The following GPM6A variants were observed in gnomAD, a reference collection of about 807,000 sequenced individuals.
The protein encoded by GPM6A is glycoprotein M6A.
Under a neutral mutation model 32.1 loss-of-function variants are expected in GPM6A, and 7 were observed. That is an observed-to-expected ratio of 0.22 (90% confidence interval 0.12 to 0.41). GPM6A has a LOEUF of 0.41. GPM6A is among the 10% of genes least tolerant of loss of function. The pLI is 1.00. For missense variants in GPM6A, 235 were observed against 347.2 expected (o/e 0.68, Z 2.57); for synonymous variants, 130 against 123.4 (o/e 1.05, Z -0.35).
intron 1 of GPM6A, among the ~76,000 whole-genome samples, chr4:175,768,567 T>C (rs985738832): frequency 2.6e-5 from 4 of 151,864 alleles, no homozygotes; most frequent in African/African-American, 9.7e-5. Context: ...TCAAGCAAGA[T>C]GAGGAGAAAT....
intron 1 of GPM6A, among the ~76,000 whole-genome samples, chr4:175,726,108 T>A (rs1288308252): frequency 1.3e-5 from 2 of 149,822 alleles, no homozygotes; most frequent in Admixed American, 6.7e-5. Context: ...TTCTCCTGCC[T>A]CAGCCTCCCA....
chr4:175,854,641 G>C (rs374997247), intron 1 of GPM6A, among the ~76,000 whole-genome samples: 1 of 152,282 alleles, frequency 6.6e-6, no homozygotes, highest in East Asian at 1.9e-4. Flanking sequence ...CCAGGCAGTG[G>C]TGCAAAAAAG....
intron 1 of GPM6A, among the ~76,000 whole-genome samples, chr4:175,901,950 A>G (rs975504231): frequency 6.6e-6 from 1 of 152,110 alleles, no homozygotes; most frequent in African/African-American, 2.4e-5. Context: ...AAAAAGTTAA[A>G]TTAAAGGGTA....
chr4:175,721,331 C>G (rs2111116315), intron 1 of GPM6A, among the ~76,000 whole-genome samples: 1 of 151,500 alleles, frequency 6.6e-6, no homozygotes, highest in South Asian at 2.1e-4. Flanking sequence ...CAAAAATTAG[C>G]CGAGTGTGGT....
At chr4:175,752,640 C>T in intron 1 of GPM6A, among the ~76,000 whole-genome samples, 1 of 152,086 alleles carries the variant, frequency 6.6e-6, no homozygotes, top group East Asian at 1.9e-4. Context: ...TAAGAATATC[C>T]ACTTTTGACA....
At chr4:175,755,890 A>C in intron 1 of GPM6A, among the ~76,000 whole-genome samples, 1 of 152,186 alleles carries the variant, frequency 6.6e-6, no homozygotes, top group East Asian at 1.9e-4. Flanking sequence ...TGGAAAGAGT[A>C]AGTCATAGTC....
chr4:175,652,386 G>A (rs1438097813), intron 3 of GPM6A, among the ~76,000 whole-genome samples: 1 of 151,908 alleles, frequency 6.6e-6, no homozygotes, highest in African/African-American at 2.4e-5. Context: ...AATTTCCATA[G>A]GACTAAACTG....
At chr4:175,896,236 C>A (rs764543497) in intron 1 of GPM6A, among the ~76,000 whole-genome samples, 1 of 152,048 alleles carries the variant, frequency 6.6e-6, no homozygotes, top group Non-Finnish European at 1.5e-5. Flanking sequence ...ATGGTAAGAT[C>A]CCACATCGTT....
chr4:175,757,197 C>T (rs992587102), intron 1 of GPM6A, among the ~76,000 whole-genome samples: 6 of 151,860 alleles, frequency 4.0e-5, no homozygotes, highest in East Asian at 1.9e-4. Flanking sequence ...GAAGTCAGAG[C>T]GAAGCTATGA....
chr4:175,787,623 A>T (rs1733852802), intron 1 of GPM6A: 4 of 1,310,956 alleles, frequency 3.1e-6, no homozygotes, highest in African/African-American at 1.5e-5. Context: ...CAACCCATGT[A>T]TCTAATTGCT....
chr4:175,880,547 T>C (rs1737238497), intron 1 of GPM6A, among the ~76,000 whole-genome samples: 1 of 152,188 alleles, frequency 6.6e-6, no homozygotes, highest in Non-Finnish European at 1.5e-5. Flanking sequence ...TTTGTTTGTG[T>C]CCTCTTTTAT....
chr4:175,696,796 C>A lies in GPM6A; in HGVS notation c.230+4779G>T, dbSNP rs192662569. On this transcript the variant is annotated intron_variant, in intron 2 of 6. Coordinates refer to ENST00000393658, the MANE Select transcript of GPM6A (RefSeq NM_201591.3). ...ATTAATTCACAGTTTTCCCTTCTTA[C>A]ACTCATCCATTAAGCTGCTAACAAC... Among the ~76,000 whole-genome samples the A allele has an allele frequency of 1.3e-3, 205 of 152,282 alleles. 2 individuals are homozygous for A. Among genetic ancestry groups the A allele is most frequent in the African/African-American group, 4.6e-3 (191 of 41,566 alleles).
intron 1 of GPM6A, among the ~76,000 whole-genome samples, chr4:175,720,596 T>C (rs2111113726): frequency 6.6e-6 from 1 of 152,328 alleles, no homozygotes; most frequent in East Asian, 1.9e-4. Flanking sequence ...TTATACGTCC[T>C]GCATTTCATA....
chr4:175,636,050 G>A (rs917133598), intron 6 of GPM6A, among the ~76,000 whole-genome samples: 3 of 151,736 alleles, frequency 2.0e-5, no homozygotes, highest in African/African-American at 7.3e-5. Context: ...GTGTGTTCAG[G>A]TAGTCAACAA....
intron 1 of GPM6A, among the ~76,000 whole-genome samples, chr4:175,739,285 C>A (rs1027485140): frequency 6.6e-6 from 1 of 151,928 alleles, no homozygotes; most frequent in African/African-American, 2.4e-5. Context: ...GTATTTTTGC[C>A]GAAGAAATAT....
intron 1 of GPM6A, chr4:175,961,177 T>C (rs1380030257): frequency 6.6e-6 from 1 of 152,198 alleles, no homozygotes; most frequent in Non-Finnish European, 1.5e-5. Context: ...CAAATCCCTT[T>C]ATTGGAAACT....
chr4:175,877,845 C>T (rs1298952544), intron 1 of GPM6A, among the ~76,000 whole-genome samples: 1 of 152,094 alleles, frequency 6.6e-6, no homozygotes, highest in Non-Finnish European at 1.5e-5. Context: ...AGTCAAAATC[C>T]AAAGTCTCCT....
chr4:175,670,261 T>C (rs1742980919), intron 3 of GPM6A, among the ~76,000 whole-genome samples: 1 of 152,188 alleles, frequency 6.6e-6, no homozygotes, highest in South Asian at 2.1e-4. Context: ...TTCGAAAGTG[T>C]TGCATTTAAA....
intron 2 of GPM6A, among the ~76,000 whole-genome samples, chr4:175,693,419 A>T (rs1744407015): frequency 6.6e-6 from 1 of 151,846 alleles, no homozygotes; most frequent in Non-Finnish European, 1.5e-5. Flanking sequence ...CAATTTGTGA[A>T]ACATGAACTA....
Sources: gnomAD v4.1 joint callset for allele counts (sites outside exome capture counted in the v4.1 genomes callset) on GRCh38, gnomAD v4.1.1 for gene constraint, MANE v1.5 for transcripts, NCBI Gene and HGNC (gene_info 2026-07-23, HGNC 2026-07-21) for gene names.